ST8SIA6: variants seen among roughly 807,000 people sequenced by gnomAD.
The protein encoded by ST8SIA6 is ST8 alpha-N-acetyl-neuraminide alpha-2,8-sialyltransferase 6.
ST8SIA6 carries 39 observed loss-of-function variants against 33.6 expected under a neutral mutation model. The observed-to-expected ratio is 1.16, with a 90% confidence interval of 0.90 to 1.52. The LOEUF (loss-of-function observed/expected upper bound fraction) is 1.52, where lower values mean the gene tolerates loss of function less well. Ranked by LOEUF, ST8SIA6 falls within the 40% of genes most tolerant of loss-of-function variation. ST8SIA6 has a pLI of 0.00. For synonymous variants in ST8SIA6, 172 were observed against 167.2 expected, an observed-to-expected ratio of 1.03 and a Z score of -0.22; for missense variants, 441 against 443.8, an observed-to-expected ratio of 0.99 and a Z score of 0.06.
At chr10:17,359,959 T>A (rs928114586) in intron 3 of ST8SIA6, among the ~76,000 whole-genome samples, 1 of 152,170 alleles carries the variant, frequency 6.6e-6, no homozygotes, top group Non-Finnish European at 1.5e-5. Context: ...ATGTACTCAA[T>A]AGATTTTTTC....
intron 4 of ST8SIA6, among the ~76,000 whole-genome samples, chr10:17,340,557 C>T (rs569755671): frequency 3.9e-5 from 6 of 152,188 alleles, no homozygotes; most frequent in Non-Finnish European, 8.8e-5. Context: ...AGAACCCCTT[C>T]CCCTCCCTTG....
rs1554792823 is a variant in ST8SIA6, at chr10:17,374,764, T to TATACAC, written c.291-15165_291-15164insGTGTAT. On this transcript the variant is annotated intron_variant, in intron 3 of 7. Transcript: ENST00000377602. ...TAAATAAATAATAAATATATATATA[T>TATACAC]ATATTTAGCTCAACTGCCCTCCCAA... 1.5e-3 allele frequency among the ~76,000 whole-genome samples: 186 copies of TATACAC among 126,852 alleles called. 12 individuals carry two copies. The highest frequency in any genetic ancestry group is 4.3e-3 in the African/African-American group (143 of 33,184). The allele number at this position is 126,852 out of a possible 152,430, so 83.2% of individuals were successfully genotyped here. A position where few individuals can be genotyped will look rare whatever the true frequency, so the allele number is the denominator to read the frequency against.
At chr10:17,399,505 T>G (rs1056824830) in intron 2 of ST8SIA6, among the ~76,000 whole-genome samples, 5 of 152,348 alleles carry the variant, frequency 3.3e-5, no homozygotes, top group Admixed American at 6.5e-5. Context: ...ATCTGCTTAG[T>G]TGGCTTTTAT....
At chr10:17,333,695 ATATATATATATATATATATATATTTTTTT>A (rs1290289604) in intron 4 of ST8SIA6, among the ~76,000 whole-genome samples, 6 of 20,974 alleles carry the variant, frequency 2.9e-4, no homozygotes, top group African/African-American at 1.2e-3. Flanking sequence ...ATATATATAT[ATATATATATATATATATATATATTTTTTT>A]TTTTTTTTTT....
intron 3 of ST8SIA6, among the ~76,000 whole-genome samples, chr10:17,368,999 C>G (rs1849649636): frequency 6.6e-6 from 1 of 152,212 alleles, no homozygotes; most frequent in South Asian, 2.1e-4. Flanking sequence ...TGCAGTATCT[C>G]AGGCCCCATC....
chr10:17,324,981 T>C (rs1244806733), intron 6 of ST8SIA6, among the ~76,000 whole-genome samples: 1 of 144,622 alleles, frequency 6.9e-6, no homozygotes, highest in African/African-American at 2.5e-5. Context: ...ATGTAATATA[T>C]AATATGTATA....
chr10:17,416,007 C>CATG (rs1419925561), intron 2 of ST8SIA6, among the ~76,000 whole-genome samples: 1 of 151,762 alleles, frequency 6.6e-6, no homozygotes, highest in Non-Finnish European at 1.5e-5. Context: ...AGGGTTTCAC[C>CATG]ATGTTGCCCA....
Position 17,323,112 on chromosome 10 carries a change from G to T in ST8SIA6, c.681C>A (p.Gly227=), listed in dbSNP as rs769288936. ...PTTGDVSKDV[G]SKTNLVTINP... ...TTATAGTCACAAGATTTGTTTTACT[G>T]CCAACATCTTTACTAACATCTCCTG... Residue 227 remains glycine (G), a synonymous_variant, in exon 7 of 8, where the codon GGC becomes GGA. Transcript: ENST00000377602. 3.1e-6 allele frequency: 5 copies of T among 1,613,718 alleles called. No individual in the cohort carries two copies. In the Admixed American group the frequency reaches 6.7e-5, roughly 22 times the overall value.
chr10:17,443,413 C>G (rs939223319), intron 2 of ST8SIA6, among the ~76,000 whole-genome samples: 5 of 152,202 alleles, frequency 3.3e-5, no homozygotes, highest in African/African-American at 1.2e-4. Flanking sequence ...TTAATGGTCT[C>G]TTTACAACCT....
intron 4 of ST8SIA6, among the ~76,000 whole-genome samples, chr10:17,345,900 A>C (rs1447151982): frequency 6.6e-6 from 1 of 152,210 alleles, no homozygotes; most frequent in African/African-American, 2.4e-5. Flanking sequence ...CTCTCCCTAC[A>C]TGCACATGAC....
chr10:17,448,472 C>A (rs1233108465), intron 2 of ST8SIA6, among the ~76,000 whole-genome samples: 1 of 152,202 alleles, frequency 6.6e-6, no homozygotes, highest in East Asian at 1.9e-4. Context: ...TCCCATGGAA[C>A]TCCAAATTAG....
chr10:17,446,751 A>G (rs1852721262), intron 2 of ST8SIA6, among the ~76,000 whole-genome samples: 1 of 152,156 alleles, frequency 6.6e-6, no homozygotes, highest in African/African-American at 2.4e-5. Flanking sequence ...AAAAATGTCT[A>G]CAAAGCTTTA....
intron 3 of ST8SIA6, among the ~76,000 whole-genome samples, chr10:17,390,015 G>T (rs1226264984): frequency 1.3e-5 from 2 of 152,072 alleles, no homozygotes; most frequent in Admixed American, 6.6e-5. Flanking sequence ...TAGAGTCAGG[G>T]TCTTGCTCTG....
chr10:17,446,427 G>A (rs1328013431), intron 2 of ST8SIA6, among the ~76,000 whole-genome samples: 1 of 152,138 alleles, frequency 6.6e-6, no homozygotes, highest in Non-Finnish European at 1.5e-5. Context: ...GATGTAAAAG[G>A]CTACTTAAAT....
chr10:17,439,366 G>A (rs147439728), intron 2 of ST8SIA6, among the ~76,000 whole-genome samples: 1,772 of 146,598 alleles, frequency 0.012, 30 homozygotes, highest in African/African-American at 0.042. Context: ...TGCAACCTCC[G>A]CCTTCCATGT....
At position 17,390,600 on chromosome 10, in the gene ST8SIA6, G is replaced by A. The variant is rs759600604; in HGVS notation, c.221C>T (p.Ser74Leu). The change falls in exon 3 of 8, where the codon TCG becomes TTG. Residue 74 changes from serine (S) to leucine (L), a missense_variant. Coordinates refer to ENST00000377602, the MANE Select transcript of ST8SIA6 (RefSeq NM_001004470.3). ...TTTGCATTTCTCCGTCAGTTGGAGC[G>A]ACTTCTCATTCAGATATGTGCTGTT... is the stretch of plus-strand genomic sequence containing the variant. ...ATNSTYLNEK[S>L]LQLTEKCKNL... The A allele has an allele frequency of 1.7e-5, 27 of 1,613,666 alleles. No individual in the cohort carries two copies. Among genetic ancestry groups the A allele is most frequent in the African/African-American group, 1.2e-4 (9 of 74,892 alleles).
intron 4 of ST8SIA6, among the ~76,000 whole-genome samples, chr10:17,358,653 AAGG>A (rs767301948): frequency 2.4e-4 from 15 of 62,710 alleles, no homozygotes; most frequent in Admixed American, 1.4e-3. Context: ...GAAAAAGAAT[AAGG>A]AGGAGGAGGA....
intron 2 of ST8SIA6, chr10:17,410,226 T>G (rs1851408611): frequency 6.6e-6 from 1 of 152,202 alleles, no homozygotes. Flanking sequence ...GCCCAAACAT[T>G]TGCATGCACC....
intron 2 of ST8SIA6, among the ~76,000 whole-genome samples, chr10:17,433,451 C>T (rs1852161978): frequency 6.6e-6 from 1 of 152,160 alleles, no homozygotes. Context: ...ACCATTTTCG[C>T]CCATCAAGCT....
Sources: allele counts gnomAD v4.1 joint callset (sites outside exome capture counted in the v4.1 genomes callset), GRCh38; gene constraint gnomAD v4.1.1; transcripts MANE v1.5; gene names NCBI Gene and HGNC (gene_info 2026-07-23, HGNC 2026-07-21).